The following TAFA1 variants were observed in gnomAD, a reference collection of about 807,000 sequenced individuals.
TAFA1 encodes TAFA chemokine like family member 1.
Under a neutral mutation model 18.5 loss-of-function variants are expected in TAFA1, and 4 were observed. The observed-to-expected ratio is 0.22, with a 90% CI of 0.11 to 0.49. The LOEUF (loss-of-function observed/expected upper bound fraction) is 0.49, where lower values mean the gene tolerates loss of function less well. Ranked by LOEUF, TAFA1 falls within the 20% of genes least tolerant of loss-of-function variation. The probability of loss-of-function intolerance (pLI) is 0.98; values close to 1 mark genes in which losing one functional copy is unlikely to be tolerated. For missense variants in TAFA1, 147 were observed against 169.0 expected, an observed-to-expected ratio of 0.87 and a Z score of 0.72; for synonymous variants, 56 against 55.2, an observed-to-expected ratio of 1.01 and a Z score of -0.06.
chr3:68,260,020 T>G (rs1195768150), intron 2 of TAFA1, among the ~76,000 whole-genome samples: 3 of 152,188 alleles, frequency 2.0e-5, no homozygotes, highest in Admixed American at 6.5e-5. Flanking sequence ...TGTGCCAGTT[T>G]CCAAAGGGAA....
chr3:68,447,298 A>G (rs1177132072), intron 3 of TAFA1, among the ~76,000 whole-genome samples: 1 of 152,240 alleles, frequency 6.6e-6, no homozygotes, highest in Non-Finnish European at 1.5e-5. Flanking sequence ...TCTCGAGTTC[A>G]TCTCACTATT....
chr3:68,103,577 A>T (rs931696855), intron 2 of TAFA1, among the ~76,000 whole-genome samples: 3 of 152,194 alleles, frequency 2.0e-5, no homozygotes, highest in Non-Finnish European at 4.4e-5. Context: ...CAAGATTAGT[A>T]TAATTCACTC....
rs373198147 is a variant in TAFA1, at chr3:68,088,364, C to T, written c.118+81620C>T. On this transcript the variant is annotated intron_variant, in intron 2 of 4. Transcript: ENST00000478136. The stretch of plus-strand genomic sequence containing the variant: ...TGGTTTTGACACATATAGAGGTTTC[C>T]GCTCAGAGCAACCAGGAAGGTGGAA... Among the ~76,000 whole-genome samples the T allele has an allele frequency of 2.0e-4, 31 of 152,148 alleles. No homozygotes were observed. The South Asian group carries it at 3.1e-3, about 15-fold the overall frequency.
intron 3 of TAFA1, among the ~76,000 whole-genome samples, chr3:68,531,044 C>CAAAACAAAACAA (rs2073181827): frequency 6.6e-6 from 1 of 151,752 alleles, no homozygotes; most frequent in Non-Finnish European, 1.5e-5. Flanking sequence ...CAAAACAAAA[C>CAAAACAAAACAA]AAAACAAAAC....
intron 3 of TAFA1, among the ~76,000 whole-genome samples, chr3:68,535,837 G>T (rs942032314): frequency 6.6e-6 from 1 of 151,948 alleles, no homozygotes; most frequent in Admixed American, 6.6e-5. Context: ...GGAAAAATGG[G>T]GATGGGGGAA....
chr3:68,175,351 T>C lies in TAFA1; in HGVS notation c.118+168607T>C, dbSNP rs2066110019. On this transcript the variant is annotated intron_variant, in intron 2 of 4. Transcript: ENST00000478136. ...AGATCCACTGACAGCTTGCACCATA[T>C]ACCTGGAAAAGCCTCAGACACTCAA... Among the ~76,000 whole-genome samples the C allele has an allele frequency of 3.3e-5, 5 of 152,288 alleles. No homozygotes were observed. The South Asian group carries it at 1.0e-3, about 32-fold the overall frequency.
intron 3 of TAFA1, among the ~76,000 whole-genome samples, chr3:68,519,071 A>G (rs1410720833): frequency 6.6e-6 from 1 of 152,222 alleles, no homozygotes; most frequent in African/African-American, 2.4e-5. Context: ...ATAATACAAT[A>G]TGTAAAAGGC....
chr3:68,015,163 T>A (rs1704544428), intron 2 of TAFA1, among the ~76,000 whole-genome samples: 1 of 152,190 alleles, frequency 6.6e-6, no homozygotes, highest in African/African-American at 2.4e-5. Flanking sequence ...ACATTGTGTC[T>A]GTAAGCTAAA....
intron 2 of TAFA1, among the ~76,000 whole-genome samples, chr3:68,305,233 T>C (rs1442864003): frequency 6.6e-6 from 1 of 150,836 alleles, no homozygotes; most frequent in Non-Finnish European, 1.5e-5. Context: ...ATATGTTTTT[T>C]TTCCCCCGAT....
chr3:68,380,661 G>A (rs988656264), intron 2 of TAFA1, among the ~76,000 whole-genome samples: 1 of 152,028 alleles, frequency 6.6e-6, no homozygotes, highest in Non-Finnish European at 1.5e-5. Context: ...TGTAGATTCT[G>A]GATATTAGCC....
chr3:68,291,461 A>G (rs1177893412), intron 2 of TAFA1, among the ~76,000 whole-genome samples: 1 of 152,132 alleles, frequency 6.6e-6, no homozygotes, highest in East Asian at 1.9e-4. Context: ...CATTTACAAC[A>G]ATATATTAGG....
At chr3:68,517,405 G>A (rs1244211105) in intron 3 of TAFA1, among the ~76,000 whole-genome samples, 2 of 152,144 alleles carry the variant, frequency 1.3e-5, no homozygotes, top group African/African-American at 2.4e-5. Flanking sequence ...GTCAGATGGA[G>A]CTCTTTTAGT....
chr3:68,025,467 A>G (rs1474217886), intron 2 of TAFA1, among the ~76,000 whole-genome samples: 1 of 152,176 alleles, frequency 6.6e-6, no homozygotes, highest in African/African-American at 2.4e-5. Flanking sequence ...TTAAAAAGTT[A>G]GTCAGGTCTT....
intron 2 of TAFA1, among the ~76,000 whole-genome samples, chr3:68,265,753 A>G (rs1319479618): frequency 2.0e-5 from 3 of 152,142 alleles, no homozygotes; most frequent in African/African-American, 7.2e-5. Context: ...CTGGCTGTGA[A>G]CTGTTGCGTA....
chr3:68,128,218 G>T (rs894240796), intron 2 of TAFA1, among the ~76,000 whole-genome samples: 1 of 152,140 alleles, frequency 6.6e-6, no homozygotes, highest in Non-Finnish European at 1.5e-5. Context: ...TTAACTCCAT[G>T]TAGTCTTTAT....
chr3:68,057,018 T>C (rs1285981184), intron 2 of TAFA1, among the ~76,000 whole-genome samples: 1 of 152,144 alleles, frequency 6.6e-6, no homozygotes, highest in Non-Finnish European at 1.5e-5. Context: ...CAGGAGTTTT[T>C]ATGGGAAAAG....
intron 2 of TAFA1, among the ~76,000 whole-genome samples, chr3:68,168,396 C>T (rs1301966205): frequency 8.5e-5 from 13 of 152,170 alleles, no homozygotes; most frequent in Admixed American, 1.3e-4. Context: ...AGTAACCACA[C>T]GTTAATTCTC....
chr3:68,428,848 C>A (rs569858107), intron 3 of TAFA1, among the ~76,000 whole-genome samples: 3 of 151,932 alleles, frequency 2.0e-5, no homozygotes, highest in Non-Finnish European at 2.9e-5. Flanking sequence ...ACTTAGAAGT[C>A]GTCATTCATG....
intron 2 of TAFA1, among the ~76,000 whole-genome samples, chr3:68,178,638 G>A (rs963531847): frequency 1.3e-5 from 2 of 152,222 alleles, no homozygotes; most frequent in African/African-American, 4.8e-5. Context: ...AGATATATAT[G>A]CCCTGGGGCG....
Sources: gnomAD v4.1 joint callset for allele counts (sites outside exome capture counted in the v4.1 genomes callset) on GRCh38, gnomAD v4.1.1 for gene constraint, MANE v1.5 for transcripts, NCBI Gene and HGNC (gene_info 2026-07-23, HGNC 2026-07-21) for gene names.